Variants in KLHL1 observed in about 807,000 individuals in gnomAD.
KLHL1 encodes the protein kelch-like protein 1.
KLHL1 carries 47 observed loss-of-function variants against 77.7 expected under a neutral mutation model. The ratio of observed to expected loss-of-function variants is 0.60; its 90% confidence interval spans 0.48 to 0.77. The LOEUF (loss-of-function observed/expected upper bound fraction) is 0.77, where lower values mean the gene tolerates loss of function less well. Ranked by LOEUF, KLHL1 falls within the 30% of genes least tolerant of loss-of-function variation. The pLI, the probability that KLHL1 is intolerant of heterozygous loss-of-function variation, is 0.00. For missense variants in KLHL1, 925 were observed against 910.8 expected (o/e 1.02, Z -0.20); for synonymous variants, 360 against 325.2 (o/e 1.11, Z -1.15).
chr13:69,957,813 GA>G (rs1883940295), intron 3 of KLHL1, among the ~76,000 whole-genome samples: 2 of 151,754 alleles, frequency 1.3e-5, no homozygotes, highest in South Asian at 4.1e-4. Context: ...AAACCCAATT[GA>G]AAGTCTTAAA....
At chr13:69,920,797 T>C (rs2138263452) in intron 4 of KLHL1, among the ~76,000 whole-genome samples, 1 of 152,264 alleles carries the variant, frequency 6.6e-6, no homozygotes, top group East Asian at 1.9e-4. Context: ...CAAAAATATG[T>C]GTTTACATAT....
At chr13:69,766,783 G>A (rs1237026101) in intron 7 of KLHL1, among the ~76,000 whole-genome samples, 1 of 152,040 alleles carries the variant, frequency 6.6e-6, no homozygotes, top group African/African-American at 2.4e-5. Context: ...GGTAAAAATG[G>A]GGTTATTGTA....
chr13:69,704,932 C>G (rs1875557930), intron 10 of KLHL1, among the ~76,000 whole-genome samples: 1 of 147,544 alleles, frequency 6.8e-6, no homozygotes, highest in African/African-American at 2.5e-5. Flanking sequence ...CTATTGTCTA[C>G]AAATAAATGA....
intron 6 of KLHL1, among the ~76,000 whole-genome samples, chr13:69,820,404 C>A (rs1207170094): frequency 1.3e-5 from 2 of 152,138 alleles, no homozygotes; most frequent in Admixed American, 1.3e-4. Context: ...CTCATCGTGT[C>A]AATTCTATCA....
intron 5 of KLHL1, among the ~76,000 whole-genome samples, chr13:69,861,800 A>C (rs936750962): frequency 6.8e-6 from 1 of 148,140 alleles, no homozygotes; most frequent in African/African-American, 2.5e-5. Flanking sequence ...AAAAAAAAAA[A>C]AAAAAAAATA....
intron 6 of KLHL1, among the ~76,000 whole-genome samples, chr13:69,837,873 A>G (rs565630701): frequency 2.0e-5 from 3 of 151,508 alleles, no homozygotes; most frequent in South Asian, 2.1e-4. Flanking sequence ...CAGGACCAAT[A>G]TTGTCTTTTA....
chr13:69,783,967 C>CAGACT (rs1876371920), intron 7 of KLHL1, among the ~76,000 whole-genome samples: 1 of 152,146 alleles, frequency 6.6e-6, no homozygotes, highest in Admixed American at 6.5e-5. Context: ...GGAAGCCCAT[C>CAGACT]AGACTAACAG....
chr13:69,825,466 G>T (rs958929307), intron 6 of KLHL1, among the ~76,000 whole-genome samples: 2 of 152,100 alleles, frequency 1.3e-5, no homozygotes, highest in African/African-American at 4.8e-5. Flanking sequence ...GTTTTGTCAT[G>T]GGCAAAGAAT....
At chr13:69,759,709 C>T (rs1037903811) in intron 7 of KLHL1, among the ~76,000 whole-genome samples, 11 of 152,122 alleles carry the variant, frequency 7.2e-5, no homozygotes, top group Non-Finnish European at 1.3e-4. Flanking sequence ...ACCTTAAATT[C>T]GCATTTCTAC....
chr13:69,943,854 T>C (rs576977915), intron 3 of KLHL1, among the ~76,000 whole-genome samples: 50 of 152,322 alleles, frequency 3.3e-4, no homozygotes, highest in Non-Finnish European at 1.8e-4. Context: ...TGCATGCTTC[T>C]TAGCATAGAT....
chr13:69,830,808 T>C (rs1727158523), intron 6 of KLHL1, among the ~76,000 whole-genome samples: 1 of 150,040 alleles, frequency 6.7e-6, no homozygotes, highest in African/African-American at 2.5e-5. Context: ...CTCAAAATCA[T>C]GCACATAGAT....
chr13:69,992,144 T>C (rs1566479976), intron 1 of KLHL1, among the ~76,000 whole-genome samples: 1 of 152,010 alleles, frequency 6.6e-6, no homozygotes, highest in Non-Finnish European at 1.5e-5. Flanking sequence ...CTGAAACACT[T>C]CATTTTATGA....
At chr13:70,071,593 G>A (rs1194361361) in intron 1 of KLHL1, among the ~76,000 whole-genome samples, 5 of 150,846 alleles carry the variant, frequency 3.3e-5, no homozygotes, top group African/African-American at 4.9e-5. Flanking sequence ...TGACCTTAAC[G>A]AATCAAAAAA....
chr13:70,086,977 G>A (rs905960579), intron 1 of KLHL1, among the ~76,000 whole-genome samples: 1 of 152,134 alleles, frequency 6.6e-6, no homozygotes, highest in African/African-American at 2.4e-5. Flanking sequence ...TGGCATGATT[G>A]ATTTTGAGTC....
At chr13:69,951,732 T>A (rs796496283) in intron 3 of KLHL1, among the ~76,000 whole-genome samples, 8 of 151,576 alleles carry the variant, frequency 5.3e-5, no homozygotes, top group African/African-American at 1.9e-4. Context: ...ATATGTTACC[T>A]CCTTACCTTG....
At chr13:69,952,630 T>C (rs1883745710) in intron 3 of KLHL1, among the ~76,000 whole-genome samples, 1 of 151,402 alleles carries the variant, frequency 6.6e-6, no homozygotes, top group Admixed American at 6.6e-5. Context: ...AAGGTATTCC[T>C]TCAGAACATC....
chr13:70,004,373 T>C (rs2137329292), intron 1 of KLHL1, among the ~76,000 whole-genome samples: 1 of 152,010 alleles, frequency 6.6e-6, no homozygotes, highest in South Asian at 2.1e-4. Context: ...ACCCATGAAA[T>C]GCTAAGCGTC....
At chr13:69,749,478 C>G (rs1593795275) in intron 7 of KLHL1, among the ~76,000 whole-genome samples, 1 of 151,964 alleles carries the variant, frequency 6.6e-6, no homozygotes, top group East Asian at 1.9e-4. Flanking sequence ...TGGACTGTAG[C>G]TTTTTGCATA....
chr13:70,051,682 GC>G (rs1886633772), intron 1 of KLHL1, among the ~76,000 whole-genome samples: 1 of 151,992 alleles, frequency 6.6e-6, no homozygotes, highest in African/African-American at 2.4e-5. Flanking sequence ...TAAAGCAGCT[GC>G]AGGAACATTA....
Sources: gnomAD v4.1 joint callset for allele counts (sites outside exome capture counted in the v4.1 genomes callset) on GRCh38, gnomAD v4.1.1 for gene constraint, MANE v1.5 for transcripts, NCBI Gene and HGNC (gene_info 2026-07-23, HGNC 2026-07-21) for gene names.